Variants in CEP57 observed in about 807,000 individuals in gnomAD.
CEP57 encodes centrosomal protein of 57 kDa.
A neutral mutation model predicts 68.0 loss-of-function variants in CEP57; 40 were observed. The observed-to-expected ratio is 0.59, with a 90% confidence interval of 0.46 to 0.77. The LOEUF (loss-of-function observed/expected upper bound fraction) is 0.77, where lower values mean the gene tolerates loss of function less well. Among genes scored for constraint, CEP57 ranks in the 30% least tolerant of loss-of-function variants. CEP57 has a pLI of 0.00. For synonymous variants in CEP57, 219 were observed against 198.7 expected, an observed-to-expected ratio of 1.10 and a Z score of -0.86; for missense variants, 606 against 580.7, an observed-to-expected ratio of 1.04 and a Z score of -0.45.
At chr11:95,808,250 C>G (rs1213218676) in intron 2 of CEP57, among the ~76,000 whole-genome samples, 2 of 152,088 alleles carry the variant, frequency 1.3e-5, no homozygotes, top group East Asian at 3.9e-4. Context: ...CCGGTACCAG[C>G]CACTGCAAAA....
At chr11:95,806,295 G>T (rs1266009138) in intron 2 of CEP57, among the ~76,000 whole-genome samples, 1 of 152,210 alleles carries the variant, frequency 6.6e-6, no homozygotes, top group African/African-American at 2.4e-5. Flanking sequence ...CCAGTCTACA[G>T]CTCCCAGTGT....
chr11:95,798,253 T>A (rs1359129279), intron 1 of CEP57, among the ~76,000 whole-genome samples: 1 of 152,204 alleles, frequency 6.6e-6, no homozygotes, highest in African/African-American at 2.4e-5. Flanking sequence ...CTTTCTTAAA[T>A]CACCTGGAAA....
rs1328502690 is a variant in CEP57 at position 95,831,107 on chromosome 11, A to C, written c.1354A>C (p.Ser452Arg). The C allele has an allele frequency of 1.3e-5, 21 of 1,613,464 alleles. No individual in the cohort carries two copies. The South Asian group carries it at 1.9e-4, about 14-fold the overall frequency. The change falls in exon 11 of 11, where the codon AGC (serine) becomes CGC (arginine). Residue 452 changes from serine (S) to arginine (R), a missense_variant. Physicochemically the swap from Ser to Arg is moderately radical, Grantham distance 110. Transcript: ENST00000325542. ...TCTTGATGAAGAAAGAAACAGCAGCAGCCGTTCTGGAATCACAGGGACCAC... is the reference window on the plus strand; with the variant it reads ...TCTTGATGAAGAAAGAAACAGCAGCCGCCGTTCTGGAATCACAGGGACCAC... ...KTLDEERNSSSRSGITGTTNK... is the reference protein window; with the variant it reads ...KTLDEERNSSRRSGITGTTNK...
rs186591026 is a variant in CEP57, at chr11:95,804,954, C to T, written c.202+5566C>T. On this transcript the variant is annotated intron_variant, in intron 2 of 10. Transcript: ENST00000325542. ...TGAAAAAGAAAACAATAAAACGTTA[C>T]GCATTTAAACAGGGATATGTAAGCC... Among the ~76,000 whole-genome samples, 381 of 152,088 alleles carry T rather than the reference C, an allele frequency of 2.5e-3. 6 individuals carry two copies. Among genetic ancestry groups the T allele is most frequent in the South Asian group, 1.7e-3 (8 of 4,822 alleles).
chr11:95,792,355 G>A (rs1006804007), intron 1 of CEP57, among the ~76,000 whole-genome samples: 7 of 152,182 alleles, frequency 4.6e-5, no homozygotes, highest in African/African-American at 1.7e-4. Flanking sequence ...TTGAGTCTGG[G>A]TGCGTGGCTC....
chr11:95,796,587 A>AC (rs1337097013), intron 1 of CEP57, among the ~76,000 whole-genome samples: 2 of 152,352 alleles, frequency 1.3e-5, no homozygotes, highest in Non-Finnish European at 2.9e-5. Flanking sequence ...TTAATATTCA[A>AC]CAGATTTATT....
chr11:95,807,618 T>A (rs1408550986), intron 2 of CEP57, among the ~76,000 whole-genome samples: 1 of 152,154 alleles, frequency 6.6e-6, no homozygotes. Flanking sequence ...AAAGGGTATC[T>A]GTGATTGAAG....
intron 8 of CEP57, 95 bp from the exon 9 acceptor site, chr11:95,827,691 G>C: frequency 1.4e-6 from 2 of 1,384,670 alleles, no homozygotes; most frequent in Admixed American, 1.7e-5. Context: ...TCTACTTTAG[G>C]GGGTGGAGAG....
At chr11:95,827,305 G>C (rs1430941031) in intron 8 of CEP57, 1 of 170,144 alleles carries the variant, frequency 5.9e-6, no homozygotes, top group Non-Finnish European at 1.3e-5. Context: ...AGGTGAAATA[G>C]ATATGTAAAA....
In CEP57 at chr11:95,831,959, A is replaced by C. The variant is rs1189871316; in HGVS notation, c.*703A>C. ...GTGAAATAAATGAGATTTTGGAATA[A>C]AGTGAGAATGGGAGAAGGGATATGT... is the stretch of plus-strand genomic sequence containing the variant. On this transcript the variant is annotated 3_prime_UTR_variant, in exon 11 of 11. Coordinates refer to ENST00000325542, the MANE Select transcript of CEP57 (RefSeq NM_014679.5). 6.6e-6 allele frequency: 1 copy of C among 152,140 alleles called. No individual in the cohort carries two copies. Among genetic ancestry groups the C allele is most frequent in the Non-Finnish European group, 1.5e-5 (1 of 68,016 alleles). The allele number at this position is 152,140 out of a possible 1,614,324, so 9.4% of individuals were successfully genotyped here.
intron 10 of CEP57, 91 bp from the exon 11 acceptor site, chr11:95,830,934 CA>C (rs554289104): frequency 1.9e-5 from 18 of 951,134 alleles, no homozygotes; most frequent in African/African-American, 1.3e-4. Flanking sequence ...GAGAGTTAAC[CA>C]AAAAAAGGTA....
intron 5 of CEP57, among the ~76,000 whole-genome samples, chr11:95,818,368 G>A (rs534402262): frequency 4.7e-5 from 7 of 149,350 alleles, no homozygotes; most frequent in South Asian, 4.2e-4. Flanking sequence ...CCGAGATCAC[G>A]CCATTTCACT....
chr11:95,800,441 G>T (rs1861528552), intron 2 of CEP57, among the ~76,000 whole-genome samples: 1 of 151,626 alleles, frequency 6.6e-6, no homozygotes, highest in South Asian at 2.1e-4. Flanking sequence ...CTGTCACCAG[G>T]CTGGAGTGCA....
At chr11:95,791,414 T>C (rs1861068932) in intron 1 of CEP57, among the ~76,000 whole-genome samples, 1 of 152,226 alleles carries the variant, frequency 6.6e-6, no homozygotes, top group African/African-American at 2.4e-5. Context: ...TTCACTGGTA[T>C]TTCTCAAATT....
In CEP57 at chr11:95,795,516, T is replaced by C. The variant is rs748407395; in HGVS notation, c.46-3716T>C. On this transcript the variant is annotated intron_variant, in intron 1 of 10. Coordinates refer to ENST00000325542, the MANE Select transcript of CEP57 (RefSeq NM_014679.5). ...CTGTTATTCTTTTTTTTTTTCTTAGTGTGCAGACTAGGGAAATGAAGTACA... is the reference window on the plus strand; with the variant it reads ...CTGTTATTCTTTTTTTTTTTCTTAGCGTGCAGACTAGGGAAATGAAGTACA... The C allele has an allele frequency of 1.3e-5, 6 of 479,264 alleles. No homozygotes were observed. The South Asian group carries it at 1.4e-4, about 12-fold the overall frequency. 29.7% of individuals were successfully genotyped at this position (479,264 alleles called of 1,614,324 possible).
intron 1 of CEP57, chr11:95,794,418 C>A: frequency 2.3e-6 from 1 of 425,598 alleles, no homozygotes; most frequent in Non-Finnish European, 4.7e-6. Flanking sequence ...GTGATTATAC[C>A]AACAACCCTC....
chr11:95,830,834 TATATTA>T (rs1862968485), intron 10 of CEP57, among the ~76,000 whole-genome samples, 186 bp from the exon 11 acceptor site: 1 of 151,556 alleles, frequency 6.6e-6, no homozygotes, highest in Admixed American at 6.6e-5. Context: ...TATATTTATT[TATATTA>T]ATATTTAAGT....
intron 2 of CEP57, among the ~76,000 whole-genome samples, chr11:95,807,574 A>G (rs886424089): frequency 3.3e-5 from 5 of 152,334 alleles, no homozygotes; most frequent in Non-Finnish European, 1.5e-5. Flanking sequence ...TGACGCATGC[A>G]CAAGACTCAG....
chr11:95,821,753 T>C (rs1862525332), intron 6 of CEP57, 118 bp from the exon 7 acceptor site: 7 of 707,412 alleles, frequency 9.9e-6, no homozygotes, highest in Middle Eastern at 3.8e-4. Flanking sequence ...ACAGCTGTAA[T>C]ATGTTTTTCA....
Sources: gnomAD v4.1 joint callset for allele counts (sites outside exome capture counted in the v4.1 genomes callset) on GRCh38, gnomAD v4.1.1 for gene constraint, MANE v1.5 for transcripts, NCBI Gene and HGNC (gene_info 2026-07-23, HGNC 2026-07-21) for gene names.